ADGRL3: variants seen among roughly 807,000 people sequenced by gnomAD.
ADGRL3 encodes calcium-independent alpha-latrotoxin receptor 3.
ADGRL3 carries 62 observed loss-of-function variants against 153.5 expected under a neutral mutation model. The ratio of observed to expected loss-of-function variants is 0.40; its 90% CI spans 0.33 to 0.50. The LOEUF (loss-of-function observed/expected upper bound fraction) is 0.50. Among genes scored for constraint, ADGRL3 ranks in the 20% least tolerant of loss-of-function variants. The probability of loss-of-function intolerance (pLI) is 0.47; values close to 1 mark genes in which losing one functional copy is unlikely to be tolerated. For missense variants in ADGRL3, 1,641 were observed against 1,859.4 expected, an observed-to-expected ratio of 0.88 and a Z score of 2.16; for synonymous variants, 710 against 672.5, an observed-to-expected ratio of 1.06 and a Z score of -0.86.
intron 1 of ADGRL3, among the ~76,000 whole-genome samples, chr4:61,266,731 C>G (rs931411039): frequency 8.6e-5 from 13 of 151,802 alleles, no homozygotes; most frequent in Middle Eastern, 3.4e-3. Flanking sequence ...TAAGGTAAAT[C>G]TAAGCCTTCC....
intron 2 of ADGRL3, among the ~76,000 whole-genome samples, chr4:61,398,990 G>T (rs559546533): frequency 6.6e-6 from 1 of 151,600 alleles, no homozygotes; most frequent in South Asian, 2.1e-4. Flanking sequence ...GCAAAGAAAA[G>T]AATAACTTAC....
At chr4:62,019,132 C>T (rs1245883993) in intron 21 of ADGRL3, among the ~76,000 whole-genome samples, 4 of 152,012 alleles carry the variant, frequency 2.6e-5, no homozygotes, top group Non-Finnish European at 5.9e-5. Flanking sequence ...AAGCCCAAGC[C>T]ATTTTACATT....
chr4:61,479,121 C>A (rs889843756), intron 2 of ADGRL3, among the ~76,000 whole-genome samples: 2 of 151,948 alleles, frequency 1.3e-5, no homozygotes, highest in Admixed American at 1.3e-4. Flanking sequence ...AGCAGATCAA[C>A]TCTAGACAAA....
At chr4:61,762,283 A>T (rs1312308002) in intron 8 of ADGRL3, among the ~76,000 whole-genome samples, 1 of 152,194 alleles carries the variant, frequency 6.6e-6, no homozygotes. Context: ...ATATATAGCC[A>T]TATAAATACA....
intron 1 of ADGRL3, among the ~76,000 whole-genome samples, chr4:61,358,520 T>C (rs369922909): frequency 2.5e-4 from 34 of 138,378 alleles, no homozygotes; most frequent in Admixed American, 7.0e-4. Flanking sequence ...TGGCGTGAAC[T>C]CGGGAGGCGG....
At chr4:61,452,535 T>C (rs1383925354) in intron 2 of ADGRL3, among the ~76,000 whole-genome samples, 3 of 152,212 alleles carry the variant, frequency 2.0e-5, no homozygotes, top group African/African-American at 7.2e-5. Context: ...TTGTTCTTTG[T>C]TGAAATTTTG....
At chr4:61,674,911 C>G (rs544125111) in intron 5 of ADGRL3, among the ~76,000 whole-genome samples, 1 of 152,034 alleles carries the variant, frequency 6.6e-6, no homozygotes, top group South Asian at 2.1e-4. Flanking sequence ...TGTGTGAGGA[C>G]AGCCACATTT....
chr4:61,532,506 A>T (rs2098625538), intron 4 of ADGRL3, among the ~76,000 whole-genome samples: 1 of 149,164 alleles, frequency 6.7e-6, no homozygotes, highest in Non-Finnish European at 1.5e-5. Flanking sequence ...CTCATTTGTA[A>T]GTCTTGTTTC....
intron 5 of ADGRL3, among the ~76,000 whole-genome samples, chr4:61,663,540 C>G (rs2094681324): frequency 6.6e-6 from 1 of 152,192 alleles, no homozygotes; most frequent in African/African-American, 2.4e-5. Flanking sequence ...CTGCGCCTGG[C>G]TCACCCTAGG....
chr4:61,399,041 A>C (rs1355559895), intron 2 of ADGRL3, among the ~76,000 whole-genome samples: 1 of 151,788 alleles, frequency 6.6e-6, no homozygotes, highest in Non-Finnish European at 1.5e-5. Context: ...CTAATTAGAA[A>C]TTAAAGTCCT....
At chr4:61,270,384 A>T (rs887644718) in intron 1 of ADGRL3, among the ~76,000 whole-genome samples, 1 of 151,768 alleles carries the variant, frequency 6.6e-6, no homozygotes, top group Non-Finnish European at 1.5e-5. Flanking sequence ...AATTTCAGAG[A>T]ATTTTACTTG....
At chr4:61,465,205 T>C (rs932569214) in intron 2 of ADGRL3, among the ~76,000 whole-genome samples, 9 of 152,160 alleles carry the variant, frequency 5.9e-5, no homozygotes, top group Admixed American at 1.3e-4. Context: ...GTACATTTAG[T>C]TTATAAGCAT....
intron 21 of ADGRL3, among the ~76,000 whole-genome samples, chr4:62,006,032 A>ATATATATATATATT (rs1203029363): frequency 5.5e-5 from 4 of 73,090 alleles, no homozygotes; most frequent in African/African-American, 2.0e-4. Flanking sequence ...ATATATATAT[A>ATATATATATATATT]TTTTTTTTTT....
rs377124280 is a variant in ADGRL3, at chr4:61,697,319, G to T, written c.583+20384G>T. ...CACATGGCTGTAATCCCAGCACTTTGGGAGGCTGAAGTAGGTGGATCCCCT... is the reference window on the plus strand; with the variant it reads ...CACATGGCTGTAATCCCAGCACTTTTGGAGGCTGAAGTAGGTGGATCCCCT... On this transcript the variant is annotated intron_variant, in intron 6 of 26. Transcript: ENST00000683033. Among the ~76,000 whole-genome samples, 134 of 152,154 alleles carry T rather than the reference G, an allele frequency of 8.8e-4. 2 individuals are homozygous for T. The highest frequency in any genetic ancestry group is 3.2e-3 in the African/African-American group (131 of 41,518).
In ADGRL3 at chr4:62,076,019, TACAC is replaced by T. The variant is rs1747017718; in HGVS notation, c.*5114_*5117del. 6.6e-6 allele frequency: 1 copy of T among 152,132 alleles called. No individual in the cohort carries two copies. Among genetic ancestry groups the T allele is most frequent in the African/African-American group, 2.4e-5 (1 of 41,454 alleles). The allele number at this position is 152,132 out of a possible 1,614,324, so 9.4% of individuals were successfully genotyped here. ...AAAGGGAAACTTTCACCTGTACACA[TACAC>T]ACTCTGATTCCATTTATTTACAGCC... On this transcript the variant is annotated 3_prime_UTR_variant, in exon 27 of 27. Coordinates refer to ENST00000683033, the MANE Select transcript of ADGRL3 (RefSeq NM_001387552.1).
chr4:61,585,310 A>T (rs182394679), intron 4 of ADGRL3, among the ~76,000 whole-genome samples: 1 of 152,166 alleles, frequency 6.6e-6, no homozygotes, highest in African/African-American at 2.4e-5. Flanking sequence ...TTTCAAAAAT[A>T]TCATACAAAT....
At chr4:61,452,083 TGGCTGCTTGG>T (rs143183620) in intron 2 of ADGRL3, among the ~76,000 whole-genome samples, 5,658 of 152,282 alleles carry the variant, frequency 0.037, 118 homozygotes, top group South Asian at 0.09. Flanking sequence ...GCATGGAGTG[TGGCTGCTTGG>T]GCTCACAGCT....
intron 8 of ADGRL3, among the ~76,000 whole-genome samples, chr4:61,793,084 G>T (rs1209559852): frequency 1.3e-5 from 2 of 152,064 alleles, no homozygotes; most frequent in Non-Finnish European, 2.9e-5. Flanking sequence ...TTGGATGGAG[G>T]CAGGGAAAGA....
At chr4:61,581,882 C>T (rs1382151501) in intron 4 of ADGRL3, among the ~76,000 whole-genome samples, 4 of 152,038 alleles carry the variant, frequency 2.6e-5, no homozygotes, top group African/African-American at 9.7e-5. Flanking sequence ...CATTCTTTAT[C>T]ATTACCTATT....
Sources: allele counts gnomAD v4.1 joint callset (sites outside exome capture counted in the v4.1 genomes callset), GRCh38; gene constraint gnomAD v4.1.1; transcripts MANE v1.5; gene names NCBI Gene and HGNC (gene_info 2026-07-23, HGNC 2026-07-21).